Variants in TTC3 observed in about 807,000 individuals in gnomAD.
TTC3 encodes the protein E3 ubiquitin-protein ligase TTC3.
A neutral mutation model predicts 249.6 loss-of-function variants in TTC3; 180 were observed. The observed-to-expected ratio is 0.72, with a 90% confidence interval of 0.64 to 0.82. The LOEUF is 0.82. Among genes scored for constraint, TTC3 ranks in the 40% least tolerant of loss-of-function variants. The probability of loss-of-function intolerance (pLI) is 0.00; values close to 1 mark genes in which losing one functional copy is unlikely to be tolerated. For missense variants in TTC3, 2,061 were observed against 2,398.4 expected (o/e 0.86, Z 2.94); for synonymous variants, 717 against 805.0 (o/e 0.89, Z 1.85).
intron 13 of TTC3, among the ~76,000 whole-genome samples, chr21:37,123,519 G>C (rs773515925): frequency 2.6e-5 from 4 of 152,216 alleles, no homozygotes; most frequent in Non-Finnish European, 5.9e-5. Flanking sequence ...ATGCTCACAA[G>C]AAAGCAATAG....
intron 1 of TTC3, among the ~76,000 whole-genome samples, chr21:37,076,252 T>C (rs1419614171): frequency 6.6e-6 from 1 of 152,252 alleles, no homozygotes; most frequent in Admixed American, 6.5e-5. Context: ...GTTACTAATA[T>C]TGGGTATAGA....
At chr21:37,124,112 C>CTTT (rs60916518) in intron 13 of TTC3, among the ~76,000 whole-genome samples, 21,988 of 60,228 alleles carry the variant, frequency 0.37, 8,029 homozygotes, top group East Asian at 0.77. Context: ...TTGAACTGTT[C>CTTT]TTTTTTTTTT....
chr21:37,165,781 A>G (rs774149416), exon 33 of TTC3: 15 of 1,613,938 alleles, frequency 9.3e-6, no homozygotes, highest in African/African-American at 2.7e-5. Flanking sequence ...ACATTAAAAC[A>G]AAAGTAGAAG....
intron 1 of TTC3, among the ~76,000 whole-genome samples, chr21:37,074,511 T>C (rs1181585551): frequency 6.6e-6 from 1 of 152,182 alleles, no homozygotes; most frequent in Non-Finnish European, 1.5e-5. Context: ...TGATATTTAA[T>C]GGTTTATAGA....
chr21:37,184,253 T>A lies in TTC3; in HGVS notation c.4757+1340T>A, dbSNP rs528478489. 4.6e-5 allele frequency among the ~76,000 whole-genome samples: 7 copies of A among 152,340 alleles called. No individual in the cohort carries two copies. The South Asian group carries it at 1.0e-3, about 23-fold the overall frequency. ...AATATTTATATTTAACATACTTTTT[T>A]TGTTCAATTCAGACATACTGTCAAA... On this transcript the variant is annotated intron_variant, in intron 36 of 45. Coordinates refer to ENST00000355666, the Ensembl canonical transcript of TTC3.
At chr21:37,188,927 T>C (rs899529463) in intron 39 of TTC3, among the ~76,000 whole-genome samples, 14 of 152,236 alleles carry the variant, frequency 9.2e-5, no homozygotes, top group Admixed American at 4.6e-4. Flanking sequence ...AAAAGTTGGA[T>C]AGTAATTGAG....
chr21:37,182,889 A>G, exon 36 of TTC3: 1 of 1,578,746 alleles, frequency 6.3e-7, no homozygotes, highest in Non-Finnish European at 8.6e-7. Flanking sequence ...AAGAAAATTA[A>G]AAAGGTTTCA....
intron 35 of TTC3, among the ~76,000 whole-genome samples, chr21:37,180,017 A>G (rs1299191482): frequency 6.6e-6 from 1 of 152,156 alleles, no homozygotes; most frequent in Non-Finnish European, 1.5e-5. Context: ...AGTTGGGGAT[A>G]TTATCCATTC....
chr21:37,078,898 A>G (rs1039622502), intron 1 of TTC3, among the ~76,000 whole-genome samples: 4 of 152,182 alleles, frequency 2.6e-5, no homozygotes, highest in East Asian at 1.9e-4. Context: ...CTTGTTCTCA[A>G]TTTTAAAGAG....
At chr21:37,177,296 C>T (rs1395795517) in intron 35 of TTC3, among the ~76,000 whole-genome samples, 5 of 152,138 alleles carry the variant, frequency 3.3e-5, no homozygotes, top group Non-Finnish European at 7.3e-5. Context: ...CTACTGACTT[C>T]AGGTCTGCTC....
chr21:37,090,286 T>C, exon 6 of TTC3: 2 of 1,604,538 alleles, frequency 1.2e-6, no homozygotes, highest in Non-Finnish European at 1.7e-6. Context: ...AAATAGAAAA[T>C]GTAAGTGTTA....
chr21:37,087,061 C>A, intron 1 of TTC3, 186 bp from the exon 2 acceptor site: 1 of 606,516 alleles, frequency 1.6e-6, no homozygotes, highest in South Asian at 2.2e-5. Context: ...ATTAAATTAT[C>A]TGGAGAGAGA....
chr21:37,174,792 A>G (rs534083800), intron 35 of TTC3, among the ~76,000 whole-genome samples: 1 of 152,302 alleles, frequency 6.6e-6, no homozygotes, highest in South Asian at 2.1e-4. Context: ...CTTCTCATTA[A>G]TAATGTATTG....
intron 42 of TTC3, among the ~76,000 whole-genome samples, chr21:37,196,237 C>CTCT (rs2084894066): frequency 8.3e-6 from 1 of 120,348 alleles, no homozygotes; most frequent in African/African-American, 3.3e-5. Flanking sequence ...TTTTTTCTTT[C>CTCT]TTTTTTTTTT....
chr21:37,079,681 G>C (rs575018400), intron 1 of TTC3, among the ~76,000 whole-genome samples: 4 of 151,728 alleles, frequency 2.6e-5, no homozygotes, highest in Admixed American at 6.6e-5. Flanking sequence ...ACAGCCGTGC[G>C]CCACCATGCT....
intron 21 of TTC3, 114 bp from the exon 22 acceptor site, chr21:37,147,367 T>C: frequency 1.0e-6 from 1 of 990,220 alleles, no homozygotes; most frequent in Non-Finnish European, 1.4e-6. Flanking sequence ...GGTGAAAAAA[T>C]TTAGTCATTC....
exon 42 of TTC3, chr21:37,195,772 G>A (rs1203446876): frequency 1.2e-6 from 2 of 1,614,194 alleles, no homozygotes; most frequent in East Asian, 2.2e-5. Context: ...GCACTTCACA[G>A]GGATCCTAGT....
At chr21:37,148,420 G>A (rs2252402) in intron 22 of TTC3, 126 bp from the exon 23 acceptor site, 270,109 of 467,590 alleles carry the variant, frequency 0.58, 82,036 homozygotes, top group African/African-American at 0.82. Flanking sequence ...TTTGAAGAAT[G>A]ATGCAACTTT....
intron 40 of TTC3, among the ~76,000 whole-genome samples, 174 bp downstream of exon 40, chr21:37,191,598 G>A (rs1436732050): frequency 6.6e-6 from 1 of 151,982 alleles, no homozygotes; most frequent in Non-Finnish European, 1.5e-5. Flanking sequence ...GTTTTTTTGA[G>A]TTGGAGTTTC....
Sources: gnomAD v4.1 joint callset for allele counts (sites outside exome capture counted in the v4.1 genomes callset) on GRCh38, gnomAD v4.1.1 for gene constraint, MANE v1.5 for transcripts, NCBI Gene and HGNC (gene_info 2026-07-23, HGNC 2026-07-21) for gene names.